Variants in ESD observed in about 807,000 individuals in gnomAD.
The protein encoded by ESD is esterase D, also known as S-formylglutathione hydrolase.
ESD carries 34 observed loss-of-function variants against 38.1 expected under a neutral mutation model. The observed-to-expected ratio is 0.89, with a 90% CI of 0.68 to 1.19. The LOEUF (loss-of-function observed/expected upper bound fraction) is 1.19. ESD is among the 50% of genes most tolerant of loss of function. The pLI is 0.00. For missense variants in ESD, 334 were observed against 327.2 expected (o/e 1.02, Z -0.16); for synonymous variants, 97 against 107.0 (o/e 0.91, Z 0.58).
At chr13:46,776,608 T>A (rs1389532966) in intron 9 of ESD, 1 of 152,112 alleles carries the variant, frequency 6.6e-6, no homozygotes, top group African/African-American at 2.4e-5. Context: ...TTTGGCGGTA[T>A]AAGAATTAAC....
At chr13:46,790,880 T>C (rs991758935) in intron 3 of ESD, among the ~76,000 whole-genome samples, 8 of 152,154 alleles carry the variant, frequency 5.3e-5, no homozygotes, top group South Asian at 2.1e-4. Flanking sequence ...TCTTAGCTCC[T>C]GTCTCCTGCT....
chr13:46,795,341 G>A (rs1414381103), intron 1 of ESD, among the ~76,000 whole-genome samples: 2 of 152,194 alleles, frequency 1.3e-5, no homozygotes, highest in Non-Finnish European at 2.9e-5. Flanking sequence ...GGCCTACGTG[G>A]AATTGTTAGT....
chr13:46,793,255 A>G (rs1875459037), intron 2 of ESD, 142 bp downstream of exon 2: 1 of 152,334 alleles, frequency 6.6e-6, no homozygotes, highest in Non-Finnish European at 1.5e-5. Context: ...GTGATATACT[A>G]TGATATCTGA....
chr13:46,775,534 C>A, intron 9 of ESD: 1 of 408,514 alleles, frequency 2.4e-6, no homozygotes, highest in South Asian at 1.9e-5. Context: ...ATAAAACTCG[C>A]AGACCCAGGG....
At chr13:46,788,836 C>T (rs1214373082) in intron 3 of ESD, among the ~76,000 whole-genome samples, 5 of 152,032 alleles carry the variant, frequency 3.3e-5, no homozygotes, top group African/African-American at 9.7e-5. Flanking sequence ...TACCAAACTC[C>T]CCCAACCCTG....
intron 1 of ESD, among the ~76,000 whole-genome samples, chr13:46,794,876 TTTCCCTAAACCTCA>T (rs2138309006): frequency 6.6e-6 from 1 of 152,296 alleles, no homozygotes; most frequent in Admixed American, 6.5e-5. Context: ...CTTCACACTC[TTTCCCTAAACCTCA>T]TTCCCTAAAT....
At chr13:46,772,293 T>A (rs1037306859) in intron 9 of ESD, among the ~76,000 whole-genome samples, 4 of 152,350 alleles carry the variant, frequency 2.6e-5, no homozygotes, top group African/African-American at 9.6e-5. Flanking sequence ...GATTTCTATC[T>A]ATCCAGTCAT....
At position 46,779,976 on chromosome 13, in the gene ESD, CT is replaced by C; in HGVS notation, c.558del (p.Ala187ProfsTer22). The C allele has an allele frequency of 6.2e-7, 1 of 1,605,538 alleles. No individual in the cohort carries two copies. On this transcript the variant is annotated frameshift_variant, in exon 8 of 10. Transcript: ENST00000378720. LOFTEE classifies it high-confidence loss of function. Reference protein sequence around the residue: ...CNPVLCPWGKKAFSGYLGTDQ... With the variant: ...CNPVLCPWGKXAFSGYLGTDQ... ...TCTGTTCCCAAATATCCACTAAAGG[CT>C]TTTTTGCCCCAGGGACAGAGTACAG...
chr13:46,783,577 G>T (rs1875087870), intron 5 of ESD, among the ~76,000 whole-genome samples: 1 of 151,358 alleles, frequency 6.6e-6, no homozygotes, highest in South Asian at 2.1e-4. Context: ...TTATATTTTT[G>T]ATATTATTTT....
chr13:46,776,012 G>T, intron 9 of ESD: 1 of 211,840 alleles, frequency 4.7e-6, no homozygotes, highest in Non-Finnish European at 9.6e-6. Flanking sequence ...AAGCAAATGA[G>T]GTATCCAACA....
chr13:46,777,466 C>A lies in ESD; in HGVS notation c.758G>T (p.Arg253Leu), dbSNP rs143158972. The A allele has an allele frequency of 2.9e-5, 46 of 1,601,866 alleles. 1 individual carries two copies. In the South Asian group the frequency reaches 4.3e-4, roughly 15 times the overall value. Reference protein sequence around the residue: ...CTEKKIPVVFRLQEGYDHSYY... With the variant: ...CTEKKIPVVFLLQEGYDHSYY... The stretch of plus-strand genomic sequence containing the variant: ...TTTCCTAATACTTGCCTCTTGCAAT[C>A]GAAAAACAACGGGGATTTTCTTTTC... The change falls in exon 9 of 10, where the codon CGA (arginine) becomes CTA (leucine). Residue 253 changes from arginine to leucine, a missense_variant. Transcript: ENST00000378720.
At chr13:46,791,175 C>T (rs1037096062) in intron 3 of ESD, among the ~76,000 whole-genome samples, 171 bp downstream of exon 3, 5 of 152,108 alleles carry the variant, frequency 3.3e-5, no homozygotes, top group African/African-American at 1.2e-4. Context: ...CAATCACATC[C>T]ACAGTTAATT....
chr13:46,795,080 CTT>C (rs2138309209), intron 1 of ESD, among the ~76,000 whole-genome samples: 1 of 152,326 alleles, frequency 6.6e-6, no homozygotes, highest in African/African-American at 2.4e-5. Context: ...AACCATTCCT[CTT>C]TTCATTGCCT....
chr13:46,792,555 T>C (rs1198230621), intron 2 of ESD, among the ~76,000 whole-genome samples: 1 of 152,068 alleles, frequency 6.6e-6, no homozygotes, highest in Non-Finnish European at 1.5e-5. Context: ...TCAGAAGCCC[T>C]ACTCTTAACT....
chr13:46,771,751 A>C (rs1040190961), intron 9 of ESD, among the ~76,000 whole-genome samples: 1 of 152,160 alleles, frequency 6.6e-6, no homozygotes, highest in African/African-American at 2.4e-5. Flanking sequence ...CCTAACTTCT[A>C]AATGCTGCCA....
intron 1 of ESD, among the ~76,000 whole-genome samples, 183 bp downstream of exon 1, chr13:46,796,922 G>A (rs1264140166): frequency 6.6e-6 from 1 of 152,250 alleles, no homozygotes; most frequent in Admixed American, 6.5e-5. Flanking sequence ...TCCGGGTCAC[G>A]GGAAAAGGTC....
intron 8 of ESD, among the ~76,000 whole-genome samples, chr13:46,778,401 T>C (rs1270870172): frequency 1.3e-5 from 2 of 151,856 alleles, no homozygotes; most frequent in Non-Finnish European, 3.0e-5. Flanking sequence ...AGAGGACCTA[T>C]AAAGTCTGAC....
rs1371849570 is a variant in ESD, at chr13:46,782,651, A to C, written c.381+16T>G. 1.2e-6 allele frequency: 2 copies of C among 1,610,108 alleles called. No individual in the cohort carries two copies. The highest frequency in any genetic ancestry group is 1.7e-6 in the Non-Finnish European group (2 of 1,177,776). ...TGGCAGTCATCAATTAATAATTACA[A>C]TACAAATTAAATTACCTCCTCTGTG... On this transcript the variant is annotated intron_variant, in intron 6 of 9. Transcript: ENST00000378720.
intron 2 of ESD, among the ~76,000 whole-genome samples, chr13:46,792,940 G>C (rs1308762512): frequency 6.6e-6 from 1 of 152,012 alleles, no homozygotes; most frequent in African/African-American, 2.4e-5. Flanking sequence ...CTTTGCAAAA[G>C]ATGGTACACT....
Sources: gnomAD v4.1 joint callset for allele counts (sites outside exome capture counted in the v4.1 genomes callset) on GRCh38, gnomAD v4.1.1 for gene constraint, MANE v1.5 for transcripts, NCBI Gene and HGNC (gene_info 2026-07-23, HGNC 2026-07-21) for gene names.